ARK2C: variants seen among roughly 807,000 people sequenced by gnomAD.
ARK2C encodes the protein E3 ubiquitin-protein ligase ARK2C.
the ARK2C span, chr18:46,456,673 C>A: frequency 7.0e-7 from 1 of 1,423,460 alleles, no homozygotes; most frequent in Non-Finnish European, 9.9e-7. Context: ...ATTTCCTTCA[C>A]CAGGTCCCCC....
chr18:46,406,218 T>C, the ARK2C span, among the ~76,000 whole-genome samples: 1 of 152,098 alleles, frequency 6.6e-6, no homozygotes, highest in South Asian at 2.1e-4. Context: ...CCACTCCCAA[T>C]AGCTCTTGTT....
At chr18:46,447,595 C>T in the ARK2C span, 3 of 1,613,936 alleles carry the variant, frequency 1.9e-6, no homozygotes, top group African/African-American at 1.3e-5. Flanking sequence ...TTGAGTCCTG[C>T]TCAGTTCCAG....
the ARK2C span, among the ~76,000 whole-genome samples, chr18:46,390,477 G>C: frequency 6.6e-6 from 1 of 152,128 alleles, no homozygotes; most frequent in East Asian, 1.9e-4. Flanking sequence ...CTATGTCTTC[G>C]GGTAGTGTGA....
chr18:46,334,783 A>G, the ARK2C span: 14,986 of 262,692 alleles, frequency 0.057, 2,294 homozygotes, highest in African/African-American at 0.34. The surrounding 1 kb of genome is among the most constrained non-coding windows in gnomAD (Gnocchi z 4.4). Context: ...TTTGAGGTAT[A>G]TGTGTGTTTT....
chr18:46,428,408 A>C, the ARK2C span, among the ~76,000 whole-genome samples: 10 of 152,136 alleles, frequency 6.6e-5, no homozygotes, highest in Non-Finnish European at 1.5e-4. Flanking sequence ...ACTCCATCTC[A>C]AAACAAAAAG....
At chr18:46,341,477 C>T in the ARK2C span, among the ~76,000 whole-genome samples, 87 of 151,960 alleles carry the variant, frequency 5.7e-4, 1 homozygote, top group South Asian at 0.013. Context: ...TGAAGACAAA[C>T]GGGGAACATG....
At chr18:46,344,601 C>CTCCACAGGGGACCTCGGCA in the ARK2C span, among the ~76,000 whole-genome samples, 71 of 152,314 alleles carry the variant, frequency 4.7e-4, no homozygotes, top group African/African-American at 1.7e-3. Flanking sequence ...GGACCTTGGC[C>CTCCACAGGGGACCTCGGCA]TCCACAGGGG....
At chr18:46,399,743 G>A in the ARK2C span, among the ~76,000 whole-genome samples, 257 of 152,284 alleles carry the variant, frequency 1.7e-3, no homozygotes, top group African/African-American at 5.8e-3. Flanking sequence ...GACAGTGTCC[G>A]GCCCGAGGCC....
chr18:46,393,490 C>T, the ARK2C span, among the ~76,000 whole-genome samples: 3 of 152,214 alleles, frequency 2.0e-5, no homozygotes, highest in African/African-American at 2.4e-5. Flanking sequence ...AGGCTTCCTT[C>T]TCTTTCTGCC....
At chr18:46,433,347 G>A in the ARK2C span, 1 of 1,612,788 alleles carries the variant, frequency 6.2e-7, no homozygotes, top group Non-Finnish European at 8.5e-7. Flanking sequence ...CGGCCCACCA[G>A]CACAGCGGCG....
chr18:46,429,569 T>A, the ARK2C span, among the ~76,000 whole-genome samples: 1 of 152,222 alleles, frequency 6.6e-6, no homozygotes, highest in East Asian at 1.9e-4. Context: ...ATTGTTAATA[T>A]AGAAATGATG....
At chr18:46,372,868 C>T in the ARK2C span, among the ~76,000 whole-genome samples, 1 of 152,364 alleles carries the variant, frequency 6.6e-6, no homozygotes, top group East Asian at 1.9e-4. Context: ...CAGGAAGCCT[C>T]CCGCGGCACA....
chr18:46,429,380 A>C, the ARK2C span, among the ~76,000 whole-genome samples: 3 of 152,236 alleles, frequency 2.0e-5, no homozygotes, highest in African/African-American at 4.8e-5. Context: ...CCTCAACCGC[A>C]GTGCGCTTTT....
the ARK2C span, among the ~76,000 whole-genome samples, chr18:46,387,319 C>A: frequency 1.1e-4 from 16 of 152,320 alleles, no homozygotes; most frequent in South Asian, 2.1e-3. Flanking sequence ...TTGAAACAAG[C>A]CCCCATCCTC....
the ARK2C span, among the ~76,000 whole-genome samples, chr18:46,343,164 G>A: frequency 5.7e-3 from 861 of 152,286 alleles, 7 homozygotes; most frequent in African/African-American, 0.02. Flanking sequence ...CATGTGGGGA[G>A]GAGGTAGTGA....
the ARK2C span, among the ~76,000 whole-genome samples, chr18:46,428,503 T>C: frequency 8.1e-4 from 123 of 152,324 alleles, no homozygotes; most frequent in African/African-American, 2.9e-3. Context: ...CTCCACTCTA[T>C]CAGTTAGGAA....
chr18:46,402,077 A>C, the ARK2C span, among the ~76,000 whole-genome samples: 1 of 152,236 alleles, frequency 6.6e-6, no homozygotes, highest in Non-Finnish European at 1.5e-5. Flanking sequence ...TTTGTGAGGC[A>C]ATCCACCCTC....
At chr18:46,336,558 A>G in the ARK2C span, 6 of 985,492 alleles carry the variant, frequency 6.1e-6, no homozygotes, top group Non-Finnish European at 6.0e-6. Flanking sequence ...TTAACTCAAC[A>G]AGGTCCTAAA....
chr18:46,419,742 C>G, the ARK2C span, among the ~76,000 whole-genome samples: 2 of 152,216 alleles, frequency 1.3e-5, no homozygotes, highest in Admixed American at 6.5e-5. Context: ...CTCGAGGTAA[C>G]TGGAGACGGA....
Sources: allele counts gnomAD v4.1 joint callset (sites outside exome capture counted in the v4.1 genomes callset), GRCh38; gene constraint gnomAD v4.1.1; non-coding constraint Gnocchi (gnomAD v3.1); transcripts MANE v1.5; gene names NCBI Gene and HGNC (gene_info 2026-07-23, HGNC 2026-07-21).